Variants in DNM3 observed in about 807,000 individuals in gnomAD.
DNM3 encodes the protein dynamin-3.
DNM3 carries 47 observed loss-of-function variants against 101.6 expected under a neutral mutation model. The observed-to-expected ratio is 0.46, with a 90% CI of 0.37 to 0.59. DNM3 has a LOEUF of 0.59. Ranked by LOEUF, DNM3 falls within the 20% of genes least tolerant of loss-of-function variation. The pLI is 0.00. For synonymous variants in DNM3, 385 were observed against 387.9 expected, an observed-to-expected ratio of 0.99 and a Z score of 0.09; for missense variants, 849 against 1,085.7, an observed-to-expected ratio of 0.78 and a Z score of 3.06.
At chr1:171,915,009 G>A (rs930923697) in intron 1 of DNM3, among the ~76,000 whole-genome samples, 3 of 152,130 alleles carry the variant, frequency 2.0e-5, no homozygotes, top group Admixed American at 6.5e-5. Flanking sequence ...GCCTAGACAC[G>A]AAGTCTAAGA....
At chr1:171,901,881 A>G (rs1173704277) in intron 1 of DNM3, among the ~76,000 whole-genome samples, 1 of 152,216 alleles carries the variant, frequency 6.6e-6, no homozygotes, top group Non-Finnish European at 1.5e-5. Flanking sequence ...TACTATTTGT[A>G]GGGCATCCAA....
At chr1:172,084,682 G>A (rs1223829818) in intron 12 of DNM3, among the ~76,000 whole-genome samples, 1 of 152,142 alleles carries the variant, frequency 6.6e-6, no homozygotes, top group Non-Finnish European at 1.5e-5. Context: ...AGGAAGAAAA[G>A]TCAAGCCATA....
chr1:172,361,689 T>C (rs1200759865), intron 17 of DNM3, among the ~76,000 whole-genome samples: 2 of 151,934 alleles, frequency 1.3e-5, no homozygotes, highest in African/African-American at 4.8e-5. Context: ...ACAAGTAGTG[T>C]TAGGTTCTCT....
chr1:172,099,790 G>C (rs529917034), intron 13 of DNM3, among the ~76,000 whole-genome samples: 4 of 152,330 alleles, frequency 2.6e-5, no homozygotes, highest in East Asian at 1.9e-4. Context: ...ATTGGAGTAA[G>C]AGATAACAGA....
At chr1:172,404,380 C>T (rs1265249765) in intron 20 of DNM3, among the ~76,000 whole-genome samples, 2 of 152,046 alleles carry the variant, frequency 1.3e-5, no homozygotes, top group Non-Finnish European at 2.9e-5. Flanking sequence ...GAACCACAGG[C>T]CATGCTAAGT....
intron 17 of DNM3, among the ~76,000 whole-genome samples, chr1:172,336,161 G>T (rs1481199986): frequency 6.6e-6 from 1 of 152,094 alleles, no homozygotes; most frequent in Non-Finnish European, 1.5e-5. Flanking sequence ...CACAAAGAAT[G>T]ATCCGTCTAA....
intron 15 of DNM3, among the ~76,000 whole-genome samples, chr1:172,284,439 C>T (rs1464243572): frequency 1.3e-5 from 2 of 152,074 alleles, no homozygotes; most frequent in Non-Finnish European, 2.9e-5. Context: ...CTTAGCAATC[C>T]ATTTACCATC....
rs1417392017 is a variant in DNM3, at chr1:171,930,662, G to T, written c.235+8841G>T. ...TTCCCTGGGTGGGGGATGTTCCTCT[G>T]GCTCTGTGTTGATCCCAGGTGGGCC... On this transcript the variant is annotated intron_variant, in intron 2 of 20. Transcript: ENST00000627582. Among the ~76,000 whole-genome samples, 5 of 152,104 alleles carry T rather than the reference G, an allele frequency of 3.3e-5. No homozygotes were observed. In the South Asian group the frequency reaches 1.0e-3, roughly 32 times the overall value.
chr1:172,319,188 T>C (rs2065565767), intron 16 of DNM3, among the ~76,000 whole-genome samples: 1 of 152,074 alleles, frequency 6.6e-6, no homozygotes, highest in Non-Finnish European at 1.5e-5. Context: ...TAGCCATATG[T>C]AGAAAGCTGA....
intron 10 of DNM3, among the ~76,000 whole-genome samples, chr1:172,056,464 C>T (rs1016982480): frequency 1.3e-5 from 2 of 152,176 alleles, no homozygotes; most frequent in Non-Finnish European, 2.9e-5. Context: ...TTGAAGAGAG[C>T]AGTGGTTCTT....
At chr1:172,326,752 T>C (rs560462584) in intron 17 of DNM3, among the ~76,000 whole-genome samples, 1 of 152,256 alleles carries the variant, frequency 6.6e-6, no homozygotes, top group Admixed American at 6.5e-5. Flanking sequence ...AATATAAATA[T>C]ATCAAAAGCC....
chr1:171,954,652 A>G (rs1428890547), intron 2 of DNM3, among the ~76,000 whole-genome samples: 1 of 152,148 alleles, frequency 6.6e-6, no homozygotes, highest in Non-Finnish European at 1.5e-5. Flanking sequence ...CTTCCATTTC[A>G]ATTTAGCATG....
intron 1 of DNM3, among the ~76,000 whole-genome samples, chr1:171,911,012 A>G (rs2039249835): frequency 6.6e-6 from 1 of 152,190 alleles, no homozygotes; most frequent in South Asian, 2.1e-4. Flanking sequence ...GAAGTGTGAA[A>G]TTAGTGTAGA....
At chr1:172,168,033 C>T (rs374271846) in intron 14 of DNM3, among the ~76,000 whole-genome samples, 36 of 152,038 alleles carry the variant, frequency 2.4e-4, no homozygotes, top group East Asian at 1.4e-3. Flanking sequence ...ATACCATCTC[C>T]GGGAGTAATT....
rs541459215 is a variant in DNM3 at position 172,323,486 on chromosome 1, G to A, written c.1893+146G>A. The A allele has an allele frequency of 4.5e-4, 428 of 954,740 alleles. 1 individual carries two copies. The African/African-American group carries it at 6.2e-3, about 14-fold the overall frequency. 59.1% of individuals were successfully genotyped at this position (954,740 alleles called of 1,614,324 possible). A position where few individuals can be genotyped will look rare whatever the true frequency, so the allele number is the denominator to read the frequency against. On this transcript the variant is annotated intron_variant, in intron 17 of 20. Transcript: ENST00000627582. ...TTATATGGGGTGTGCAAATTTGGGG[G>A]AAAATGTGCATTTGCACTACCATAA... is the stretch of plus-strand genomic sequence containing the variant.
At chr1:172,245,309 A>C (rs1454925187) in intron 14 of DNM3, among the ~76,000 whole-genome samples, 2 of 152,214 alleles carry the variant, frequency 1.3e-5, no homozygotes, top group Non-Finnish European at 2.9e-5. Context: ...TGTAGTTGGA[A>C]AGGCAGAGCA....
intron 9 of DNM3, 83 bp from the exon 10 acceptor site, chr1:172,048,528 TG>T: frequency 7.0e-7 from 1 of 1,436,020 alleles, no homozygotes; most frequent in Non-Finnish European, 9.3e-7. Flanking sequence ...TTAAATGGAA[TG>T]TTAATTTAAA....
intron 14 of DNM3, among the ~76,000 whole-genome samples, chr1:172,225,035 G>A (rs967481102): frequency 6.6e-6 from 1 of 151,920 alleles, no homozygotes; most frequent in Non-Finnish European, 1.5e-5. Context: ...GGTAGAGTCA[G>A]GACTAGGACT....
intron 15 of DNM3, among the ~76,000 whole-genome samples, chr1:172,282,145 G>C (rs889986747): frequency 2.2e-4 from 34 of 152,266 alleles, no homozygotes; most frequent in African/African-American, 7.9e-4. Flanking sequence ...ACTCAGGGCA[G>C]AGCTATGGAG....
Sources: gnomAD v4.1 joint callset for allele counts (sites outside exome capture counted in the v4.1 genomes callset) on GRCh38, gnomAD v4.1.1 for gene constraint, MANE v1.5 for transcripts, NCBI Gene and HGNC (gene_info 2026-07-23, HGNC 2026-07-21) for gene names.